Variants in TUT4 observed in about 807,000 individuals in gnomAD.
TUT4 encodes the protein terminal uridylyltransferase 4.
TUT4 carries 36 observed loss-of-function variants against 192.2 expected under a neutral mutation model. The ratio of observed to expected loss-of-function variants is 0.19; its 90% CI spans 0.14 to 0.25. TUT4 has a LOEUF of 0.25. Ranked by LOEUF, TUT4 falls within the 10% of genes least tolerant of loss-of-function variation. The probability of loss-of-function intolerance (pLI) is 1.00; values close to 1 mark genes in which losing one functional copy is unlikely to be tolerated. For synonymous variants in TUT4, 618 were observed against 666.0 expected (o/e 0.93, Z 1.11); for missense variants, 1,493 against 1,957.2 (o/e 0.76, Z 4.47).
At chr1:52,455,354 A>G (rs1028777145) in intron 20 of TUT4, among the ~76,000 whole-genome samples, 1 of 152,038 alleles carries the variant, frequency 6.6e-6, no homozygotes, top group Non-Finnish European at 1.5e-5. Context: ...TTTGCCATTA[A>G]AAGTAATCTC....
At chr1:52,479,281 T>C (rs1001181142) in intron 11 of TUT4, among the ~76,000 whole-genome samples, 1 of 152,136 alleles carries the variant, frequency 6.6e-6, no homozygotes, top group Non-Finnish European at 1.5e-5. Context: ...ACTGAAGCAT[T>C]TGAGTGTGGC....
chr1:52,438,146 T>G (rs1654398833), intron 25 of TUT4, 74 bp downstream of exon 25: 2 of 1,185,244 alleles, frequency 1.7e-6, no homozygotes, highest in Non-Finnish European at 2.5e-6. Flanking sequence ...TAAACATTTC[T>G]GAACATAATT....
chr1:52,509,583 A>T lies in TUT4; in HGVS notation c.999+13T>A, dbSNP rs768958084. On this transcript the variant is annotated intron_variant, in intron 4 of 29. Coordinates refer to ENST00000257177, the MANE Select transcript of TUT4 (RefSeq NM_001009881.3). ...TGAAAAATAAATAAAAGTATTTTTT[A>T]AAAAGAACTTACCAAAATATTTTTC... 1.3e-5 allele frequency: 17 copies of T among 1,328,706 alleles called. No individual in the cohort carries two copies. Among genetic ancestry groups the T allele is most frequent in the Non-Finnish European group, 1.8e-5 (17 of 950,802 alleles). The allele number at this position is 1,328,706 out of a possible 1,614,324, so 82.3% of individuals were successfully genotyped here.
intron 4 of TUT4, among the ~76,000 whole-genome samples, chr1:52,502,091 G>T (rs769409959): frequency 1.3e-5 from 2 of 151,264 alleles, no homozygotes; most frequent in African/African-American, 2.4e-5. Flanking sequence ...ACTTAAAAAT[G>T]GTTAAAATGG....
chr1:52,548,038 C>T (rs560315753), intron 1 of TUT4, among the ~76,000 whole-genome samples: 71 of 152,114 alleles, frequency 4.7e-4, no homozygotes, highest in Admixed American at 2.6e-3. Context: ...GAAAAAAATA[C>T]ACTATTACAC....
intron 20 of TUT4, among the ~76,000 whole-genome samples, chr1:52,451,223 G>A (rs1163543260): frequency 2.0e-5 from 3 of 150,782 alleles, no homozygotes; most frequent in East Asian, 2.0e-4. Context: ...CCGAGATTGC[G>A]CCACTGCACT....
At position 52,515,987 on chromosome 1, in the gene TUT4, A is replaced by G. The variant is rs777127344; in HGVS notation, c.786T>C (p.Thr262=). 1.2e-5 allele frequency: 19 copies of G among 1,613,646 alleles called. No homozygotes were observed. In the South Asian group the frequency reaches 1.4e-4, roughly 12 times the overall value. Residue 262 remains threonine, a synonymous_variant, in exon 3 of 30, where the codon ACT becomes ACC. Transcript: ENST00000257177. Reference sequence around the variant, plus strand: ...GTGTCAATGCAGATTCATCTATCACAGTGGCATTTTCTAAGTAGTCCATCT... The same window carrying G: ...GTGTCAATGCAGATTCATCTATCACGGTGGCATTTTCTAAGTAGTCCATCT... The part of the protein sequence containing the change: ...SSEMDYLENA[T]VIDESALTPE...
chr1:52,439,811 T>C (rs1486376052), intron 24 of TUT4, among the ~76,000 whole-genome samples: 4 of 152,104 alleles, frequency 2.6e-5, no homozygotes, highest in Non-Finnish European at 4.4e-5. Context: ...TCACAAAAAT[T>C]TGCACACAAA....
intron 14 of TUT4, among the ~76,000 whole-genome samples, chr1:52,468,699 C>T (rs1664877820): frequency 6.6e-6 from 1 of 152,116 alleles, no homozygotes; most frequent in Admixed American, 6.6e-5. Flanking sequence ...TCTATCTTCC[C>T]TATAAACTGT....
chr1:52,439,842 A>G (rs1266708218), intron 24 of TUT4, among the ~76,000 whole-genome samples: 1 of 152,246 alleles, frequency 6.6e-6, no homozygotes, highest in East Asian at 1.9e-4. Context: ...AGCATTATTC[A>G]TAATAGCCAA....
intron 15 of TUT4, among the ~76,000 whole-genome samples, chr1:52,467,640 T>C (rs1328291160): frequency 6.6e-6 from 1 of 152,150 alleles, no homozygotes; most frequent in African/African-American, 2.4e-5. Context: ...CATTAGGTAC[T>C]CAAAATAAAA....
Position 52,440,202 on chromosome 1 carries a change from C to T in TUT4, c.3823-1867G>A, listed in dbSNP as rs373295864. The stretch of plus-strand genomic sequence containing the variant: ...ATGTTCTAAAATTAAATTGTGGGGA[C>T]GGTTGCACAATCCTGTATATATATT... On this transcript the variant is annotated intron_variant, in intron 24 of 29. Coordinates refer to ENST00000257177, the MANE Select transcript of TUT4 (RefSeq NM_001009881.3). 9.9e-5 allele frequency among the ~76,000 whole-genome samples: 15 copies of T among 152,228 alleles called. 2 individuals carry two copies. Among genetic ancestry groups the T allele is most frequent in the Admixed American group, 6.5e-4 (10 of 15,272 alleles).
rs575229428 is a variant in TUT4, at chr1:52,502,276, T to G, written c.1000-5093A>C. ...CCATTCCCTCCACCCTCTCCAATAT[T>G]TTTGACAGACATCCACATTTAAACA... On this transcript the variant is annotated intron_variant, in intron 4 of 29. Coordinates refer to ENST00000257177, the MANE Select transcript of TUT4 (RefSeq NM_001009881.3). Among the ~76,000 whole-genome samples the G allele has an allele frequency of 4.2e-3, 632 of 152,220 alleles. 4 individuals carry two copies. The highest frequency in any genetic ancestry group is 7.0e-3 in the Non-Finnish European group (478 of 67,996).
intron 20 of TUT4, among the ~76,000 whole-genome samples, chr1:52,448,504 G>A (rs527789721): frequency 4.1e-5 from 6 of 147,926 alleles, no homozygotes; most frequent in South Asian, 2.1e-4. Flanking sequence ...CAGGAGAATC[G>A]CTTGAACTCA....
intron 1 of TUT4, among the ~76,000 whole-genome samples, chr1:52,542,191 C>T (rs1329654616): frequency 1.3e-5 from 2 of 152,020 alleles, no homozygotes; most frequent in African/African-American, 4.8e-5. Context: ...GGTTAGGAAG[C>T]AAGGAAAATG....
chr1:52,514,367 G>A (rs1026408876), intron 3 of TUT4, among the ~76,000 whole-genome samples: 2 of 152,158 alleles, frequency 1.3e-5, no homozygotes, highest in African/African-American at 4.8e-5. Flanking sequence ...CTTGAACCCA[G>A]GAGGTAGAGG....
intron 4 of TUT4, among the ~76,000 whole-genome samples, chr1:52,498,905 TATATATATATATATATATATATA>T (rs1673270745): frequency 9.9e-4 from 2 of 2,016 alleles, no homozygotes; most frequent in African/African-American, 1.5e-3. Context: ...AAAAAAATTA[TATATATATATATATATATATATA>T]TATATATATA....
intron 2 of TUT4, among the ~76,000 whole-genome samples, chr1:52,518,348 A>G (rs996531548): frequency 3.3e-5 from 5 of 152,202 alleles, no homozygotes; most frequent in African/African-American, 1.2e-4. Context: ...TGGAGACTGG[A>G]AAGTCAAAGA....
chr1:52,549,677 T>C (rs1688913730), intron 1 of TUT4, among the ~76,000 whole-genome samples: 1 of 152,206 alleles, frequency 6.6e-6, no homozygotes, highest in African/African-American at 2.4e-5. Flanking sequence ...ATACATTATA[T>C]TAGGAAGAGA....
Sources: allele counts gnomAD v4.1 joint callset (sites outside exome capture counted in the v4.1 genomes callset), GRCh38; gene constraint gnomAD v4.1.1; transcripts MANE v1.5; gene names NCBI Gene and HGNC (gene_info 2026-07-23, HGNC 2026-07-21).